PDE3A: variants seen among roughly 807,000 people sequenced by gnomAD.
The protein encoded by PDE3A is phosphodiesterase 3A, also known as cGMP-inhibited 3',5'-cyclic phosphodiesterase 3A.
PDE3A carries 43 observed loss-of-function variants against 98.3 expected under a neutral mutation model. The observed-to-expected ratio is 0.44, with a 90% CI of 0.34 to 0.56. PDE3A has a LOEUF of 0.56. Among genes scored for constraint, PDE3A ranks in the 20% least tolerant of loss-of-function variants. The pLI is 0.01. For synonymous variants in PDE3A, 663 were observed against 567.9 expected (o/e 1.17, Z -2.38); for missense variants, 1,427 against 1,440.7 (o/e 0.99, Z 0.15).
chr12:20,658,926 A>C (rs900882525), intron 15 of PDE3A, among the ~76,000 whole-genome samples: 6 of 152,152 alleles, frequency 3.9e-5, no homozygotes, highest in Non-Finnish European at 7.3e-5. Context: ...TAGAAGTCTA[A>C]AATAGTGTCA....
rs1472201375 is a variant in PDE3A, at chr12:20,444,506, T to C, written c.960+74262T>C. Among the ~76,000 whole-genome samples, 6 of 152,362 alleles carry C rather than the reference T, an allele frequency of 3.9e-5. No individual in the cohort carries two copies. The East Asian group carries it at 5.8e-4, about 15-fold the overall frequency. On this transcript the variant is annotated intron_variant, in intron 1 of 15. Transcript: ENST00000359062. Reference sequence around the variant, plus strand: ...CATAGTCAATCAGATAAACTTACTGTTTTAATTCTAAATTCACTGACTTTC... The same window carrying C: ...CATAGTCAATCAGATAAACTTACTGCTTTAATTCTAAATTCACTGACTTTC...
intron 1 of PDE3A, chr12:20,371,354 G>A: frequency 1.0e-6 from 1 of 985,248 alleles, no homozygotes; most frequent in Non-Finnish European, 1.2e-6. Flanking sequence ...TTTGACACTT[G>A]ATGGGGAGGA....
Position 20,688,007 on chromosome 12 carries a change from G to A in PDE3A, c.*7736G>A, listed in dbSNP as rs965106497. Among the ~76,000 whole-genome samples the A allele has an allele frequency of 1.3e-5, 2 of 150,398 alleles. No homozygotes were observed. Among genetic ancestry groups the A allele is most frequent in the African/African-American group, 4.9e-5 (2 of 40,842 alleles). On this transcript the variant is annotated 3_prime_UTR_variant, in exon 16 of 16. Coordinates refer to ENST00000359062, the MANE Select transcript of PDE3A (RefSeq NM_000921.5). Reference sequence around the variant, plus strand: ...TTGAAGGATATTTGTAAACCAGAGAGTATTTAATTAACTAAATTTACTGTT... The same window carrying A: ...TTGAAGGATATTTGTAAACCAGAGAATATTTAATTAACTAAATTTACTGTT...
intron 5 of PDE3A, among the ~76,000 whole-genome samples, chr12:20,624,211 A>T (rs1289933591): frequency 6.6e-6 from 1 of 152,158 alleles, no homozygotes; most frequent in East Asian, 1.9e-4. Context: ...TCATAATTTA[A>T]AACTAGGATA....
intron 1 of PDE3A, among the ~76,000 whole-genome samples, chr12:20,385,287 C>T (rs1040598226): frequency 6.6e-6 from 1 of 151,932 alleles, no homozygotes; most frequent in South Asian, 2.1e-4. Context: ...AGTCAGGAAG[C>T]GACAGGTGCT....
chr12:20,386,028 T>A (rs1315546899), intron 1 of PDE3A, among the ~76,000 whole-genome samples: 2 of 89,976 alleles, frequency 2.2e-5, no homozygotes, highest in Non-Finnish European at 4.2e-5. Flanking sequence ...AATATATATA[T>A]AAATATATAT....
intron 1 of PDE3A, among the ~76,000 whole-genome samples, chr12:20,521,680 A>T (rs1946430293): frequency 6.6e-6 from 1 of 152,226 alleles, no homozygotes; most frequent in Non-Finnish European, 1.5e-5. Flanking sequence ...CATTTGTTCA[A>T]CGAGTGTTAT....
At chr12:20,420,617 G>T (rs1944496940) in intron 1 of PDE3A, among the ~76,000 whole-genome samples, 1 of 152,148 alleles carries the variant, frequency 6.6e-6, no homozygotes, top group Admixed American at 6.5e-5. Context: ...GGCTCCAGGT[G>T]ACAGCTTGGT....
At chr12:20,472,556 C>A (rs189733327) in intron 1 of PDE3A, among the ~76,000 whole-genome samples, 1 of 146,830 alleles carries the variant, frequency 6.8e-6, no homozygotes, top group African/African-American at 2.6e-5. Flanking sequence ...TGAATCTAGT[C>A]ATCCCTCAGG....
chr12:20,673,159 C>T (rs181949255), intron 15 of PDE3A, among the ~76,000 whole-genome samples: 29 of 152,320 alleles, frequency 1.9e-4, no homozygotes, highest in African/African-American at 7.0e-4. Flanking sequence ...GACACCATCT[C>T]ACACCATTTA....
intron 1 of PDE3A, among the ~76,000 whole-genome samples, chr12:20,409,543 C>G (rs1944296100): frequency 6.6e-6 from 1 of 152,088 alleles, no homozygotes; most frequent in South Asian, 2.1e-4. Context: ...AAGTAGTTGT[C>G]TTTGCTTGTA....
At chr12:20,646,703 G>A in intron 11 of PDE3A, 48 bp from the exon 12 acceptor site, 1 of 1,432,018 alleles carries the variant, frequency 7.0e-7, no homozygotes, top group Non-Finnish European at 9.8e-7. Context: ...GACAAATAAT[G>A]TCAGTACTTT....
At chr12:20,402,306 G>A (rs750019191) in intron 1 of PDE3A, among the ~76,000 whole-genome samples, 3 of 152,026 alleles carry the variant, frequency 2.0e-5, no homozygotes, top group Non-Finnish European at 2.9e-5. Flanking sequence ...GTGCCACCAC[G>A]CCCTGCTAAT....
chr12:20,457,692 T>G (rs921365170), intron 1 of PDE3A, among the ~76,000 whole-genome samples: 6 of 151,804 alleles, frequency 4.0e-5, no homozygotes, highest in African/African-American at 1.5e-4. Context: ...TTTTGGTAGG[T>G]TAAAAGTAGA....
intron 1 of PDE3A, among the ~76,000 whole-genome samples, chr12:20,532,583 A>C (rs1941632587): frequency 6.6e-6 from 1 of 152,174 alleles, no homozygotes; most frequent in Admixed American, 6.5e-5. Flanking sequence ...ATGACAGGCA[A>C]ATAACTACCA....
rs367752326 is a variant in PDE3A, at chr12:20,453,360, A to G, written c.960+83116A>G. On this transcript the variant is annotated intron_variant, in intron 1 of 15. Coordinates refer to ENST00000359062, the MANE Select transcript of PDE3A (RefSeq NM_000921.5). ...GGCTAATTTTTTTGTGTGTGTTTTT[A>G]GTGGAGATGGGGTTTCACCATGTTG... 1.1e-4 allele frequency among the ~76,000 whole-genome samples: 16 copies of G among 151,844 alleles called. 1 individual carries two copies. The South Asian group carries it at 3.1e-3, about 30-fold the overall frequency.
At chr12:20,404,051 C>A (rs1486141016) in intron 1 of PDE3A, among the ~76,000 whole-genome samples, 1 of 151,894 alleles carries the variant, frequency 6.6e-6, no homozygotes, top group Non-Finnish European at 1.5e-5. Context: ...TTGCATATCT[C>A]AAGTGACACA....
intron 1 of PDE3A, among the ~76,000 whole-genome samples, chr12:20,525,753 T>TGG (rs1414312366): frequency 7.2e-5 from 11 of 152,162 alleles, no homozygotes; most frequent in Admixed American, 6.5e-4. Context: ...TTAGTCTGTT[T>TGG]GGTAAGGTTA....
intron 1 of PDE3A, among the ~76,000 whole-genome samples, chr12:20,417,762 A>G (rs1360099330): frequency 6.6e-6 from 1 of 152,242 alleles, no homozygotes. Context: ...ATGTAGGATA[A>G]TAAAAGCAGG....
Sources: allele counts gnomAD v4.1 joint callset (sites outside exome capture counted in the v4.1 genomes callset), GRCh38; gene constraint gnomAD v4.1.1; transcripts MANE v1.5; gene names NCBI Gene and HGNC (gene_info 2026-07-23, HGNC 2026-07-21).